Variants in ATXN7L1 observed in about 807,000 individuals in gnomAD.
ATXN7L1 encodes the protein ataxin 7 like 1.
A neutral mutation model predicts 70.8 loss-of-function variants in ATXN7L1; 15 were observed. That is an observed-to-expected ratio of 0.21 (90% CI 0.14 to 0.33). ATXN7L1 has a LOEUF of 0.33. ATXN7L1 is among the 10% of genes least tolerant of loss of function. ATXN7L1 has a pLI of 1.00. For synonymous variants in ATXN7L1, 440 were observed against 445.1 expected (o/e 0.99, Z 0.14); for missense variants, 975 against 1,097.1 (o/e 0.89, Z 1.57).
intron 2 of ATXN7L1, among the ~76,000 whole-genome samples, chr7:105,858,144 T>A (rs1816012150): frequency 6.6e-6 from 1 of 152,096 alleles, no homozygotes. Context: ...GGTGGGAGCA[T>A]CGCTTGAATC....
At chr7:105,761,145 CT>C in intron 3 of ATXN7L1, 1 of 1,241,216 alleles carries the variant, frequency 8.1e-7, no homozygotes, top group Non-Finnish European at 1.0e-6. Flanking sequence ...CTTAGACCAG[CT>C]TTGTGGTGGT....
chr7:105,829,847 C>T (rs1811360645), intron 2 of ATXN7L1, among the ~76,000 whole-genome samples: 1 of 152,214 alleles, frequency 6.6e-6, no homozygotes, highest in South Asian at 2.1e-4. Flanking sequence ...CAGGGACCTT[C>T]TCTGGAAAGA....
chr7:105,867,183 T>A (rs970857206), intron 2 of ATXN7L1, among the ~76,000 whole-genome samples: 2 of 152,092 alleles, frequency 1.3e-5, no homozygotes, highest in Admixed American at 1.3e-4. Context: ...GCCTCAGGAA[T>A]CAGACCCTCC....
At chr7:105,657,576 C>T (rs959743259) in intron 4 of ATXN7L1, among the ~76,000 whole-genome samples, 4 of 151,350 alleles carry the variant, frequency 2.6e-5, no homozygotes, top group East Asian at 3.9e-4. Context: ...GTGTGCCTGT[C>T]GTCCCAGCTA....
At chr7:105,611,846 G>A (rs1333162831) in intron 10 of ATXN7L1, among the ~76,000 whole-genome samples, 1 of 152,208 alleles carries the variant, frequency 6.6e-6, no homozygotes, top group Non-Finnish European at 1.5e-5. Context: ...AATTAACACA[G>A]ATCCCAAGGG....
intron 2 of ATXN7L1, among the ~76,000 whole-genome samples, chr7:105,799,731 T>G (rs1016655346): frequency 6.6e-6 from 1 of 152,138 alleles, no homozygotes; most frequent in Admixed American, 6.6e-5. Flanking sequence ...TCGAGGTCAG[T>G]GTCCACTTGG....
At chr7:105,864,995 CG>C (rs1239546510) in intron 2 of ATXN7L1, among the ~76,000 whole-genome samples, 1 of 152,170 alleles carries the variant, frequency 6.6e-6, no homozygotes, top group Non-Finnish European at 1.5e-5. Context: ...TGTCTTTATT[CG>C]GGGCATCCTT....
At chr7:105,805,092 G>A (rs893104618) in intron 2 of ATXN7L1, among the ~76,000 whole-genome samples, 2 of 152,192 alleles carry the variant, frequency 1.3e-5, no homozygotes, top group Non-Finnish European at 2.9e-5. Context: ...TTAAAACAAC[G>A]AACGAGCCGG....
chr7:105,792,416 C>T (rs1805384511), intron 2 of ATXN7L1, among the ~76,000 whole-genome samples: 1 of 152,194 alleles, frequency 6.6e-6, no homozygotes, highest in African/African-American at 2.4e-5. Context: ...CCAGGAAGAC[C>T]ACCACTTCAC....
At chr7:105,814,745 G>A (rs1808945179) in intron 2 of ATXN7L1, among the ~76,000 whole-genome samples, 1 of 152,214 alleles carries the variant, frequency 6.6e-6, no homozygotes, top group African/African-American at 2.4e-5. Context: ...AATACTTGCA[G>A]AATTTAAAAG....
rs752620865 is a variant in ATXN7L1, at chr7:105,614,435, G to A, written c.1899C>T (p.Ser633=). ...TSKSSKVKDL[S]TRSDESPSNK... ...TACTTGGAGACTCGTCGCTACGGGTGGACAGGTCTTTGACTTTTGAGGATT... is the reference window on the plus strand; with the variant it reads ...TACTTGGAGACTCGTCGCTACGGGTAGACAGGTCTTTGACTTTTGAGGATT... The change falls in exon 10 of 12, where the codon TCC becomes TCT. Residue 633 remains serine, a synonymous_variant. Coordinates refer to ENST00000419735, the MANE Select transcript of ATXN7L1 (RefSeq NM_020725.2). This position sits in a 1 kb window ranked among gnomAD's most constrained non-coding sequence, Gnocchi z 4.3. 2 of 1,548,746 alleles carry A rather than the reference G, an allele frequency of 1.3e-6. No homozygotes were observed. The highest frequency in any genetic ancestry group is 2.0e-5 in the Admixed American group (1 of 50,468).
chr7:105,658,827 C>T (rs1390130933), intron 4 of ATXN7L1, among the ~76,000 whole-genome samples: 1 of 152,108 alleles, frequency 6.6e-6, no homozygotes, highest in Non-Finnish European at 1.5e-5. Flanking sequence ...AGCCACCATG[C>T]CTGGCCAATG....
intron 3 of ATXN7L1, among the ~76,000 whole-genome samples, chr7:105,779,542 T>G (rs974327771): frequency 2.0e-5 from 3 of 152,226 alleles, no homozygotes; most frequent in African/African-American, 7.2e-5. Context: ...AATCAGTCAT[T>G]CTGTCATTTC....
chr7:105,700,038 GC>G (rs2116231596), intron 3 of ATXN7L1, among the ~76,000 whole-genome samples: 1 of 152,286 alleles, frequency 6.6e-6, no homozygotes, highest in East Asian at 1.9e-4. Flanking sequence ...GCGACTCAGA[GC>G]CCCTCCGAGC....
chr7:105,707,678 C>T (rs982044824), intron 3 of ATXN7L1, among the ~76,000 whole-genome samples: 6 of 152,200 alleles, frequency 3.9e-5, no homozygotes, highest in East Asian at 1.9e-4. Flanking sequence ...TCACACCCTG[C>T]GAACATGACC....
chr7:105,852,529 C>T (rs1470221966), intron 2 of ATXN7L1, among the ~76,000 whole-genome samples: 1 of 152,124 alleles, frequency 6.6e-6, no homozygotes, highest in Non-Finnish European at 1.5e-5. Flanking sequence ...TGGTCAGATG[C>T]AGCACAGGGG....
chr7:105,731,748 A>G (rs201580964), intron 3 of ATXN7L1, among the ~76,000 whole-genome samples: 1 of 106,964 alleles, frequency 9.3e-6, no homozygotes, highest in African/African-American at 4.4e-5. Flanking sequence ...CTTACTCCTT[A>G]AAAAGAAAAG....
At chr7:105,645,993 C>T (rs1442175550) in intron 4 of ATXN7L1, among the ~76,000 whole-genome samples, 2 of 147,616 alleles carry the variant, frequency 1.4e-5, no homozygotes, top group Non-Finnish European at 3.0e-5. Flanking sequence ...GGCGACAGAG[C>T]GAGTCTCTGT....
At position 105,614,744 on chromosome 7, in the gene ATXN7L1, G is replaced by A. The variant is rs759625318; in HGVS notation, c.1590C>T (p.Ser530=). 77 of 1,551,644 alleles carry A rather than the reference G, an allele frequency of 5.0e-5. No homozygotes were observed. The highest frequency in any genetic ancestry group is 1.1e-4 in the South Asian group (9 of 84,066). ...TGGGGTTGCTGAAAGGCTGCAAAACGGATGCTGGAACGGGGGTGGTGATGT... is the reference window on the plus strand; with the variant it reads ...TGGGGTTGCTGAAAGGCTGCAAAACAGATGCTGGAACGGGGGTGGTGATGT... The part of the protein sequence containing the change: ...AAHITTPVPA[S]VLQPFSNPSA... The change falls in exon 10 of 12, where the codon TCC becomes TCT. Residue 530 remains serine, a synonymous_variant. Coordinates refer to ENST00000419735, the MANE Select transcript of ATXN7L1 (RefSeq NM_020725.2). The surrounding 1 kb of genome is among the most constrained non-coding windows in gnomAD (Gnocchi z 4.3).
Sources: allele counts gnomAD v4.1 joint callset (sites outside exome capture counted in the v4.1 genomes callset), GRCh38; gene constraint gnomAD v4.1.1; non-coding constraint Gnocchi (gnomAD v3.1); transcripts MANE v1.5; gene names NCBI Gene and HGNC (gene_info 2026-07-23, HGNC 2026-07-21).